The following HSD17B12 variants were observed in gnomAD, a reference collection of about 807,000 sequenced individuals.
The protein encoded by HSD17B12 is hydroxysteroid 17-beta dehydrogenase 12, also known as very-long-chain 3-oxoacyl-CoA reductase.
Under a neutral mutation model 39.3 loss-of-function variants are expected in HSD17B12, and 32 were observed. That is an observed-to-expected ratio of 0.81 (90% CI 0.61 to 1.09). The LOEUF is 1.09. HSD17B12 is among the 50% of genes least tolerant of loss of function. HSD17B12 has a pLI of 0.00. For synonymous variants in HSD17B12, 150 were observed against 146.7 expected (o/e 1.02, Z -0.16); for missense variants, 342 against 382.9 (o/e 0.89, Z 0.89).
At chr11:43,719,890 T>TAAAA (rs1950160876) in intron 1 of HSD17B12, among the ~76,000 whole-genome samples, 1 of 152,216 alleles carries the variant, frequency 6.6e-6, no homozygotes, top group African/African-American at 2.4e-5. Context: ...AAACTGGTGG[T>TAAAA]ACTTTTAGTA....
chr11:43,658,596 A>G, the HSD17B12 span, among the ~76,000 whole-genome samples: 3 of 152,072 alleles, frequency 2.0e-5, no homozygotes, highest in Admixed American at 1.3e-4. Context: ...TCTGTTTGTT[A>G]GTTTTCCTTC....
intron 1 of HSD17B12, among the ~76,000 whole-genome samples, chr11:43,705,761 CTTT>C (rs56979348): frequency 0.39 from 23,024 of 59,554 alleles, 1,791 homozygotes; most frequent in East Asian, 0.58. Flanking sequence ...CCTCTCTCCT[CTTT>C]TTTTTTTTTT....
chr11:43,594,008 C>T, the HSD17B12 span, among the ~76,000 whole-genome samples: 1 of 151,994 alleles, frequency 6.6e-6, no homozygotes, highest in South Asian at 2.1e-4. Context: ...AAATTTGCCA[C>T]CATATTTGGA....
the HSD17B12 span, among the ~76,000 whole-genome samples, chr11:43,646,572 A>C: frequency 3.3e-5 from 5 of 152,324 alleles, no homozygotes; most frequent in Admixed American, 3.3e-4. Flanking sequence ...TTGACAAGTT[A>C]CCTCTGGCTT....
intron 6 of HSD17B12, among the ~76,000 whole-genome samples, chr11:43,827,990 C>T (rs1325425820): frequency 6.6e-6 from 1 of 151,988 alleles, no homozygotes; most frequent in East Asian, 1.9e-4. Flanking sequence ...CCTTTAGATT[C>T]TAGGCATCTA....
At chr11:43,673,495 T>C in the HSD17B12 span, 1 of 140,732 alleles carries the variant, frequency 7.1e-6, no homozygotes, top group Non-Finnish European at 1.5e-5. Context: ...TTCTTTTCTT[T>C]TTTTTTTTTT....
intron 3 of HSD17B12, among the ~76,000 whole-genome samples, chr11:43,780,116 A>G (rs530723075): frequency 2.6e-5 from 4 of 152,236 alleles, no homozygotes; most frequent in South Asian, 2.1e-4. Flanking sequence ...GCTGCATATC[A>G]TATTGCCTTA....
intron 6 of HSD17B12, among the ~76,000 whole-genome samples, chr11:43,820,124 A>T (rs1951167019): frequency 6.6e-6 from 1 of 152,106 alleles, no homozygotes. Flanking sequence ...GAGGTGAGTG[A>T]TGTGCAGTGG....
At chr11:43,600,118 A>G in the HSD17B12 span, among the ~76,000 whole-genome samples, 2 of 151,756 alleles carry the variant, frequency 1.3e-5, no homozygotes, top group Admixed American at 1.3e-4. Flanking sequence ...ACATCACATT[A>G]TTTTGTTATT....
chr11:43,560,102 A>T, the HSD17B12 span, among the ~76,000 whole-genome samples: 1 of 152,340 alleles, frequency 6.6e-6, no homozygotes, highest in East Asian at 1.9e-4. Flanking sequence ...TTTACCGTTC[A>T]TCTTTATATT....
At chr11:43,571,261 G>A in the HSD17B12 span, among the ~76,000 whole-genome samples, 2 of 152,130 alleles carry the variant, frequency 1.3e-5, no homozygotes, top group African/African-American at 4.8e-5. Flanking sequence ...ACTTATGCAG[G>A]TATCTCTAAA....
the HSD17B12 span, among the ~76,000 whole-genome samples, chr11:43,647,441 A>AGT: frequency 3.3e-5 from 1 of 29,990 alleles, no homozygotes; most frequent in African/African-American, 8.4e-5. Context: ...ACACCTTGCT[A>AGT]ATTTTTTTTT....
chr11:43,601,629 T>A, the HSD17B12 span, among the ~76,000 whole-genome samples: 6 of 152,210 alleles, frequency 3.9e-5, no homozygotes, highest in East Asian at 1.2e-3. Flanking sequence ...CACTGTCTGG[T>A]TTGGGTGGGG....
chr11:43,644,029 T>C, the HSD17B12 span, among the ~76,000 whole-genome samples: 1 of 152,198 alleles, frequency 6.6e-6, no homozygotes, highest in African/African-American at 2.4e-5. Context: ...GGAAGGCGGC[T>C]AGATAGCGTA....
chr11:43,562,219 A>T, the HSD17B12 span, among the ~76,000 whole-genome samples: 2 of 152,222 alleles, frequency 1.3e-5, no homozygotes, highest in South Asian at 2.1e-4. Context: ...GATATTAAAA[A>T]TTTTTTTAAA....
the HSD17B12 span, among the ~76,000 whole-genome samples, chr11:43,651,010 G>A: frequency 3.9e-5 from 6 of 152,206 alleles, no homozygotes; most frequent in Non-Finnish European, 8.8e-5. Flanking sequence ...GTCTTGGAAT[G>A]TATCCCATAA....
the HSD17B12 span, among the ~76,000 whole-genome samples, chr11:43,574,317 CTG>C: frequency 6.6e-6 from 1 of 152,212 alleles, no homozygotes; most frequent in African/African-American, 2.4e-5. Flanking sequence ...AAAGTGTTTA[CTG>C]GCATCAAAGG....
At chr11:43,610,481 A>G in the HSD17B12 span, among the ~76,000 whole-genome samples, 20 of 152,188 alleles carry the variant, frequency 1.3e-4, no homozygotes, top group Middle Eastern at 3.4e-3. Context: ...GAGTCAAGGT[A>G]CTTAGAAGGA....
chr11:43,560,547 C>G, the HSD17B12 span, among the ~76,000 whole-genome samples: 3 of 152,140 alleles, frequency 2.0e-5, no homozygotes, highest in Non-Finnish European at 4.4e-5. Flanking sequence ...CTGTGTCCCC[C>G]GTCTGTGTAG....
Sources: gnomAD v4.1 joint callset for allele counts (sites outside exome capture counted in the v4.1 genomes callset) on GRCh38, gnomAD v4.1.1 for gene constraint, MANE v1.5 for transcripts, NCBI Gene and HGNC (gene_info 2026-07-23, HGNC 2026-07-21) for gene names.